Variants in UBE3D observed in about 807,000 individuals in gnomAD.
UBE3D encodes E3 ubiquitin-protein ligase E3D.
UBE3D carries 48 observed loss-of-function variants against 49.6 expected under a neutral mutation model. The ratio of observed to expected loss-of-function variants is 0.97; its 90% confidence interval spans 0.77 to 1.23. The LOEUF (loss-of-function observed/expected upper bound fraction) is 1.23. UBE3D is among the 50% of genes most tolerant of loss of function. The pLI is 0.00. For synonymous variants in UBE3D, 189 were observed against 174.2 expected (o/e 1.08, Z -0.67); for missense variants, 452 against 468.4 (o/e 0.96, Z 0.32).
intron 3 of UBE3D, among the ~76,000 whole-genome samples, chr6:83,047,131 A>G (rs2127826680): frequency 6.6e-6 from 1 of 152,312 alleles, no homozygotes; most frequent in Middle Eastern, 3.4e-3. Flanking sequence ...TCTGTTGCAC[A>G]CTGGAATTAA....
intron 9 of UBE3D, among the ~76,000 whole-genome samples, chr6:82,940,982 G>A (rs1774966312): frequency 6.6e-6 from 1 of 152,160 alleles, no homozygotes; most frequent in Non-Finnish European, 1.5e-5. Context: ...GGAGGCCGAG[G>A]CAGGTGGATC....
intron 5 of UBE3D, chr6:83,032,166 A>T: frequency 2.2e-6 from 1 of 455,850 alleles, no homozygotes; most frequent in Non-Finnish European, 4.4e-6. Flanking sequence ...AGATCCATAG[A>T]CAGCTTACAC....
intron 4 of UBE3D, among the ~76,000 whole-genome samples, chr6:83,044,020 T>C (rs1306340161): frequency 6.6e-6 from 1 of 152,190 alleles, no homozygotes; most frequent in South Asian, 2.1e-4. Context: ...GTCTAGACTA[T>C]GGGCAGAAAT....
At chr6:82,917,335 C>A (rs1344378234) in intron 9 of UBE3D, among the ~76,000 whole-genome samples, 2 of 152,052 alleles carry the variant, frequency 1.3e-5, no homozygotes, top group Non-Finnish European at 2.9e-5. Flanking sequence ...TCTGGAAAAT[C>A]TCACACCCCA....
intron 8 of UBE3D, among the ~76,000 whole-genome samples, chr6:83,016,561 T>A (rs1780711138): frequency 6.6e-6 from 1 of 152,004 alleles, no homozygotes; most frequent in South Asian, 2.1e-4. Context: ...AAAATCTGTA[T>A]TAGTCAGGGC....
chr6:82,940,757 T>A (rs546377285), intron 9 of UBE3D, among the ~76,000 whole-genome samples: 1 of 152,108 alleles, frequency 6.6e-6, no homozygotes, highest in African/African-American at 2.4e-5. Context: ...TGATAGTCTC[T>A]TGGGAAAAGT....
At chr6:82,966,063 C>A (rs1016899474) in intron 8 of UBE3D, among the ~76,000 whole-genome samples, 1 of 152,030 alleles carries the variant, frequency 6.6e-6, no homozygotes, top group Non-Finnish European at 1.5e-5. Flanking sequence ...TATCCTCAAC[C>A]GCCTCATTAT....
chr6:82,983,637 T>A (rs1778263539), intron 8 of UBE3D, among the ~76,000 whole-genome samples: 1 of 152,186 alleles, frequency 6.6e-6, no homozygotes, highest in Non-Finnish European at 1.5e-5. Context: ...TCATCAATCT[T>A]GCATCTGTAG....
intron 8 of UBE3D, among the ~76,000 whole-genome samples, chr6:82,959,242 C>T (rs962877152): frequency 1.3e-5 from 2 of 151,308 alleles, no homozygotes; most frequent in African/African-American, 4.9e-5. Context: ...TTCCCCCACC[C>T]CCCTCAAAAT....
intron 9 of UBE3D, among the ~76,000 whole-genome samples, chr6:82,934,031 T>C (rs888970764): frequency 2.0e-5 from 3 of 152,156 alleles, no homozygotes; most frequent in Admixed American, 6.5e-5. Flanking sequence ...AATCCCCAAG[T>C]GTTGAGGGAG....
intron 9 of UBE3D, among the ~76,000 whole-genome samples, chr6:82,939,780 A>G (rs892149639): frequency 2.0e-5 from 3 of 152,212 alleles, no homozygotes; most frequent in Admixed American, 6.5e-5. Context: ...ATGTATCTCT[A>G]TCATTAAGTG....
intron 9 of UBE3D, chr6:82,925,242 C>T (rs1308297568): frequency 6.6e-6 from 1 of 152,126 alleles, no homozygotes; most frequent in Non-Finnish European, 1.5e-5. Flanking sequence ...AAACCAAAGT[C>T]ACCTTCCTTT....
In UBE3D at chr6:82,987,145, T is replaced by A. The variant is rs529039831; in HGVS notation, c.1011-29695A>T. Among the ~76,000 whole-genome samples, 8 of 152,150 alleles carry A rather than the reference T, an allele frequency of 5.3e-5. No homozygotes were observed. The East Asian group carries it at 9.7e-4, about 18-fold the overall frequency. On this transcript the variant is annotated intron_variant, in intron 8 of 9. Coordinates refer to ENST00000369747, the MANE Select transcript of UBE3D (RefSeq NM_198920.3). ...ACCACACCTGGCTAATTAAAAAAAA[T>A]TTGCATAGAGTGGGTCTTGCTATGT...
chr6:82,901,370 A>G (rs1291112701), intron 9 of UBE3D, among the ~76,000 whole-genome samples: 1 of 152,178 alleles, frequency 6.6e-6, no homozygotes, highest in Non-Finnish European at 1.5e-5. Flanking sequence ...CAAATAGTCC[A>G]GCCCAGTGCT....
intron 1 of UBE3D, among the ~76,000 whole-genome samples, chr6:83,064,094 C>T (rs969402989): frequency 2.6e-5 from 4 of 151,910 alleles, no homozygotes; most frequent in East Asian, 1.9e-4. Flanking sequence ...ATAGATGGAA[C>T]GTGAATCTGA....
intron 8 of UBE3D, among the ~76,000 whole-genome samples, chr6:82,957,956 A>G (rs1314675051): frequency 6.6e-6 from 1 of 152,230 alleles, no homozygotes. Context: ...GTTAAAAAAA[A>G]AATCTTGTAA....
intron 9 of UBE3D, among the ~76,000 whole-genome samples, chr6:82,903,539 C>T (rs555901948): frequency 4.6e-5 from 7 of 152,126 alleles, no homozygotes; most frequent in South Asian, 2.1e-4. Flanking sequence ...TCAGTAAAAA[C>T]GATTATGACT....
chr6:83,034,554 G>A (rs999995211), intron 5 of UBE3D, among the ~76,000 whole-genome samples: 1 of 152,132 alleles, frequency 6.6e-6, no homozygotes, highest in African/African-American at 2.4e-5. Context: ...GGTGGGAAGT[G>A]ATTGGATCAT....
intron 2 of UBE3D, among the ~76,000 whole-genome samples, chr6:83,055,271 A>G (rs2127844795): frequency 6.6e-6 from 1 of 152,348 alleles, no homozygotes; most frequent in South Asian, 2.1e-4. Context: ...ATGTCTATAA[A>G]AATCTAATTA....
Sources: gnomAD v4.1 joint callset for allele counts (sites outside exome capture counted in the v4.1 genomes callset) on GRCh38, gnomAD v4.1.1 for gene constraint, MANE v1.5 for transcripts, NCBI Gene and HGNC (gene_info 2026-07-23, HGNC 2026-07-21) for gene names.